Variants in KIT observed in about 807,000 individuals in gnomAD.
The protein encoded by KIT is KIT proto-oncogene, receptor tyrosine kinase.
In KIT, 16 loss-of-function variants were observed where a neutral mutation model predicts 105.7. That is an observed-to-expected ratio of 0.15 (90% confidence interval 0.10 to 0.23). The LOEUF is 0.23. KIT is among the 10% of genes least tolerant of loss of function. The pLI, the probability that KIT is intolerant of heterozygous loss-of-function variation, is 1.00. For missense variants in KIT, 858 were observed against 1,213.8 expected (o/e 0.71, Z 4.36); for synonymous variants, 438 against 441.1 (o/e 0.99, Z 0.09).
chr4:54,720,394 C>T (rs1344580252), intron 7 of KIT, among the ~76,000 whole-genome samples: 1 of 152,204 alleles, frequency 6.6e-6, no homozygotes, highest in Non-Finnish European at 1.5e-5. Context: ...AGCCAGACCA[C>T]ACCGTTGCCA....
intron 8 of KIT, 44 bp downstream of exon 8, chr4:54,723,742 G>C: frequency 9.5e-6 from 10 of 1,057,666 alleles, no homozygotes; most frequent in Non-Finnish European, 1.5e-5. Flanking sequence ...CAGAGGGGAA[G>C]GACTGCAATT....
At position 54,739,408 on chromosome 4, in the gene KIT, G is replaced by C. The variant is rs1560427442; in HGVS notation, c.*851G>C. On this transcript the variant is annotated 3_prime_UTR_variant, in exon 21 of 21. Coordinates refer to ENST00000288135, the MANE Select transcript of KIT (RefSeq NM_000222.3). ...GGAAACAATATAACCACAAAGCACA[G>C]TTTGAACAAAATCTCCTCTTTTAGC... is the stretch of plus-strand genomic sequence containing the variant. The C allele has an allele frequency of 8.6e-6, 2 of 233,352 alleles. No homozygotes were observed. The highest frequency in any genetic ancestry group is 1.7e-5 in the Non-Finnish European group (2 of 117,882). The allele number at this position is 233,352 out of a possible 1,614,324, so 14.5% of individuals were successfully genotyped here. A position where few individuals can be genotyped will look rare whatever the true frequency, so the allele number is the denominator to read the frequency against.
chr4:54,672,032 G>A (rs1718143640), intron 1 of KIT, among the ~76,000 whole-genome samples: 1 of 151,990 alleles, frequency 6.6e-6, no homozygotes, highest in East Asian at 1.9e-4. Context: ...TAATGTCATT[G>A]AATAGTATTC....
At chr4:54,695,469 A>G (rs537208796) in intron 1 of KIT, 43 bp from the exon 2 acceptor site, 2 of 1,611,332 alleles carry the variant, frequency 1.2e-6, no homozygotes, top group African/African-American at 1.3e-5. Flanking sequence ...TATTTCGCCA[A>G]GGAAGAAGAT....
chr4:54,677,374 T>C (rs1718555470), intron 1 of KIT, among the ~76,000 whole-genome samples: 1 of 152,068 alleles, frequency 6.6e-6, no homozygotes, highest in African/African-American at 2.4e-5. Flanking sequence ...TGGTTCTAAC[T>C]TGGGGTCTGC....
chr4:54,718,824 A>G (rs185432113), intron 7 of KIT, among the ~76,000 whole-genome samples: 26 of 152,338 alleles, frequency 1.7e-4, no homozygotes, highest in African/African-American at 6.0e-4. Context: ...ATTTCTGGAT[A>G]TCTTTAAGAA....
In KIT at chr4:54,740,699, G is replaced by A. The variant is rs1286741850; in HGVS notation, c.*2142G>A. 4.3e-6 allele frequency: 1 copy of A among 229,966 alleles called. No individual in the cohort carries two copies. The highest frequency in any genetic ancestry group is 8.6e-6 in the Non-Finnish European group (1 of 115,882). 14.2% of individuals were successfully genotyped at this position (229,966 alleles called of 1,614,324 possible). A position where few individuals can be genotyped will look rare whatever the true frequency, so the allele number is the denominator to read the frequency against. On this transcript the variant is annotated 3_prime_UTR_variant, in exon 21 of 21. Transcript: ENST00000288135. ...CAGTTCTGAAGAATTCTAATAAAATGTACATATATAAATCAAGTGGAGTCA... is the reference window on the plus strand; with the variant it reads ...CAGTTCTGAAGAATTCTAATAAAATATACATATATAAATCAAGTGGAGTCA...
At chr4:54,732,542 A>T (rs972129648) in intron 16 of KIT, among the ~76,000 whole-genome samples, 10 of 152,144 alleles carry the variant, frequency 6.6e-5, no homozygotes, top group African/African-American at 2.2e-4. Context: ...GGGTGAAAGG[A>T]GTTCCTTAGG....
chr4:54,706,541 C>T (rs1350984332), intron 5 of KIT, among the ~76,000 whole-genome samples: 42 of 151,782 alleles, frequency 2.8e-4, no homozygotes, highest in Admixed American at 2.8e-3. Flanking sequence ...TAGAAACTTC[C>T]CCTCTGTAGA....
intron 7 of KIT, among the ~76,000 whole-genome samples, chr4:54,715,304 C>G (rs1231710098): frequency 1.3e-5 from 2 of 149,414 alleles, no homozygotes; most frequent in East Asian, 4.0e-4. Flanking sequence ...ACATAGCCAT[C>G]TAGCTTTTGG....
chr4:54,675,570 A>T (rs1718408879), intron 1 of KIT, among the ~76,000 whole-genome samples: 1 of 152,192 alleles, frequency 6.6e-6, no homozygotes, highest in Non-Finnish European at 1.5e-5. Context: ...AACCAATGTG[A>T]TTGTTTTGGC....
intron 17 of KIT, 134 bp downstream of exon 17, chr4:54,733,326 T>G: frequency 1.0e-6 from 1 of 956,130 alleles, no homozygotes; most frequent in South Asian, 1.4e-5. Flanking sequence ...TCAAATTAAG[T>G]ATACTTCAGC....
intron 1 of KIT, among the ~76,000 whole-genome samples, chr4:54,662,637 A>G (rs1337734402): frequency 6.6e-6 from 1 of 152,050 alleles, no homozygotes; most frequent in Non-Finnish European, 1.5e-5. Flanking sequence ...CAATGGCGCA[A>G]TCTCGTCTCA....
chr4:54,681,881 A>T (rs1718945543), intron 1 of KIT, among the ~76,000 whole-genome samples: 1 of 151,984 alleles, frequency 6.6e-6, no homozygotes, highest in African/African-American at 2.4e-5. Context: ...CTCTACTAAA[A>T]ATACAAAAAT....
chr4:54,705,222 A>G (rs1720714102), intron 5 of KIT, among the ~76,000 whole-genome samples: 2 of 152,256 alleles, frequency 1.3e-5, no homozygotes, highest in Admixed American at 6.5e-5. Context: ...AAATCCATTC[A>G]TCAATTTCCA....
chr4:54,704,874 G>A (rs1577964486), intron 5 of KIT, among the ~76,000 whole-genome samples: 1 of 152,162 alleles, frequency 6.6e-6, no homozygotes, highest in Admixed American at 6.5e-5. Context: ...AATAATTTAT[G>A]TAGCAGTATT....
In KIT at chr4:54,738,540, G is replaced by A. The variant is rs1429838425; in HGVS notation, c.2914G>A (p.Val972Met). 2 of 1,614,034 alleles carry A rather than the reference G, an allele frequency of 1.2e-6. No homozygotes were observed. The highest frequency in any genetic ancestry group is 2.2e-5 in the South Asian group (2 of 91,078). ...STASSSQPLL[V>M]HDDV ...CGCTTCCTCCTCCCAGCCTCTGCTT[G>A]TGCACGACGATGTCTGAGCAGAATC... is the stretch of plus-strand genomic sequence containing the variant. Residue 972 changes from valine (V) to methionine (M), a missense_variant, in exon 21 of 21, where the codon GTG becomes ATG. Val to Met is a conservative substitution (Grantham distance 21). Coordinates refer to ENST00000288135, the MANE Select transcript of KIT (RefSeq NM_000222.3).
At chr4:54,703,208 C>G (rs557071743) in intron 4 of KIT, among the ~76,000 whole-genome samples, 1 of 152,174 alleles carries the variant, frequency 6.6e-6, no homozygotes, top group Non-Finnish European at 1.5e-5. Context: ...TTACAAGATT[C>G]TGCTGGGTGA....
chr4:54,659,825 A>G (rs1347773761), intron 1 of KIT, among the ~76,000 whole-genome samples: 2 of 152,122 alleles, frequency 1.3e-5, no homozygotes, highest in African/African-American at 2.4e-5. Flanking sequence ...AAAAGAATCA[A>G]TGGTTTTCTT....
Sources: allele counts gnomAD v4.1 joint callset (sites outside exome capture counted in the v4.1 genomes callset), GRCh38; gene constraint gnomAD v4.1.1; transcripts MANE v1.5; gene names NCBI Gene and HGNC (gene_info 2026-07-23, HGNC 2026-07-21).